The following SIL1 variants were observed in gnomAD, a reference collection of about 807,000 sequenced individuals.
SIL1 encodes the protein SIL1 nucleotide exchange factor.
A neutral mutation model predicts 49.1 loss-of-function variants in SIL1; 40 were observed. The observed-to-expected ratio is 0.81, with a 90% CI of 0.63 to 1.06. SIL1 has a LOEUF of 1.06. Among genes scored for constraint, SIL1 ranks in the 50% least tolerant of loss-of-function variants. SIL1 has a pLI of 0.00. For synonymous variants in SIL1, 253 were observed against 250.8 expected (o/e 1.01, Z -0.08); for missense variants, 500 against 572.6 (o/e 0.87, Z 1.29).
chr5:139,167,561 C>T (rs920754829), intron 1 of SIL1, among the ~76,000 whole-genome samples: 3 of 152,160 alleles, frequency 2.0e-5, no homozygotes, highest in African/African-American at 7.2e-5. Flanking sequence ...TGCCGTTGTA[C>T]AATATGCATT....
At chr5:139,072,948 TA>T (rs531387695) in intron 3 of SIL1, among the ~76,000 whole-genome samples, 107 of 151,716 alleles carry the variant, frequency 7.1e-4, no homozygotes, top group Non-Finnish European at 1.1e-3. Context: ...AACAGGTATA[TA>T]AAAAAAAGAT....
intron 7 of SIL1, among the ~76,000 whole-genome samples, chr5:138,978,059 A>C: frequency 6.6e-6 from 1 of 152,260 alleles, no homozygotes; most frequent in Non-Finnish European, 1.5e-5. Flanking sequence ...TGACTTAAAA[A>C]TGCTTTATTG....
intron 7 of SIL1, among the ~76,000 whole-genome samples, chr5:139,010,968 CCT>C (rs1164398409): frequency 6.7e-6 from 1 of 148,360 alleles, no homozygotes; most frequent in Non-Finnish European, 1.5e-5. Context: ...AGGCAGGCCT[CCT>C]TGAGCTGTGG....
chr5:139,166,258 TA>T (rs1188807770), intron 1 of SIL1, among the ~76,000 whole-genome samples: 2 of 152,246 alleles, frequency 1.3e-5, no homozygotes, highest in African/African-American at 4.8e-5. Context: ...ACAGACCACT[TA>T]TACGACAGTG....
At chr5:139,027,013 G>A (rs2150433525) in intron 5 of SIL1, 21 bp from the exon 6 acceptor site, 1 of 1,613,834 alleles carries the variant, frequency 6.2e-7, no homozygotes, top group Non-Finnish European at 8.5e-7. Flanking sequence ...CAGCAAAGAG[G>A]TGATTAAATT....
intron 1 of SIL1, among the ~76,000 whole-genome samples, chr5:139,142,084 G>C (rs1751090700): frequency 6.6e-6 from 1 of 152,204 alleles, no homozygotes; most frequent in Non-Finnish European, 1.5e-5. Flanking sequence ...TGGCTGCCCA[G>C]ACAGGCGGCC....
intron 3 of SIL1, among the ~76,000 whole-genome samples, chr5:139,076,645 A>G (rs1474436103): frequency 6.6e-6 from 1 of 152,214 alleles, no homozygotes; most frequent in East Asian, 1.9e-4. Flanking sequence ...AGGGCCTGTA[A>G]CAAGTGAGTA....
At position 138,988,496 on chromosome 5, in the gene SIL1, A is replaced by T. The variant is rs541881422; in HGVS notation, c.767+32675T>A. Among the ~76,000 whole-genome samples, 3 of 152,336 alleles carry T rather than the reference A, an allele frequency of 2.0e-5. No individual in the cohort carries two copies. The East Asian group carries it at 5.8e-4, about 29-fold the overall frequency. On this transcript the variant is annotated intron_variant, in intron 7 of 9. Coordinates refer to ENST00000394817, the MANE Select transcript of SIL1 (RefSeq NM_022464.5). ...AATACCTCCTTCGTTTAAACAATAA[A>T]TTTTGCCTACTAATAAGTCTAATTA... is the stretch of plus-strand genomic sequence containing the variant.
At chr5:138,953,928 A>G (rs1766844522) in intron 7 of SIL1, among the ~76,000 whole-genome samples, 2 of 152,238 alleles carry the variant, frequency 1.3e-5, no homozygotes. Context: ...GGGCCCTCAG[A>G]GCAGCAGAGA....
At chr5:139,060,604 T>C (rs1769564084) in intron 3 of SIL1, among the ~76,000 whole-genome samples, 1 of 152,058 alleles carries the variant, frequency 6.6e-6, no homozygotes. Context: ...CAATCTTCCC[T>C]AGGACATTTG....
intron 3 of SIL1, among the ~76,000 whole-genome samples, chr5:139,054,204 C>A (rs1465158392): frequency 6.6e-6 from 1 of 152,042 alleles, no homozygotes. Flanking sequence ...TCACTTGAGG[C>A]CATGGGTTGG....
intron 7 of SIL1, among the ~76,000 whole-genome samples, chr5:138,984,732 C>T (rs1480266605): frequency 2.0e-5 from 3 of 152,266 alleles, no homozygotes; most frequent in East Asian, 3.9e-4. Flanking sequence ...CCAACCCCTA[C>T]CATCCCCTTA....
chr5:139,032,185 C>G (rs1348202259), intron 5 of SIL1, among the ~76,000 whole-genome samples: 1 of 152,196 alleles, frequency 6.6e-6, no homozygotes, highest in Non-Finnish European at 1.5e-5. Context: ...CAGTCTTTCA[C>G]TGTTAAGTAT....
At chr5:139,086,915 G>A (rs889993311) in intron 3 of SIL1, among the ~76,000 whole-genome samples, 7 of 151,832 alleles carry the variant, frequency 4.6e-5, no homozygotes, top group East Asian at 3.9e-4. Context: ...AGTTGGGATC[G>A]CGCCATTGAG....
At chr5:138,999,887 G>C (rs1767951887) in intron 7 of SIL1, among the ~76,000 whole-genome samples, 1 of 152,152 alleles carries the variant, frequency 6.6e-6, no homozygotes, top group Non-Finnish European at 1.5e-5. Flanking sequence ...GACAGAGTAA[G>C]TCTCAGAAAA....
At chr5:139,003,506 T>C (rs953406673) in intron 7 of SIL1, among the ~76,000 whole-genome samples, 9 of 152,222 alleles carry the variant, frequency 5.9e-5, no homozygotes, top group Non-Finnish European at 1.3e-4. Context: ...TGTTTCTTTA[T>C]TTACTCTTTG....
rs1210429233 is a variant in SIL1, at chr5:138,948,940, C to G, written c.1030-1467G>C. The stretch of plus-strand genomic sequence containing the variant: ...TTGTCATGCAACACAAAGGCTCCCG[C>G]CAGATGCACCCACCCAATCGTGGAT... On this transcript the variant is annotated intron_variant, in intron 9 of 9. Coordinates refer to ENST00000394817, the MANE Select transcript of SIL1 (RefSeq NM_022464.5). This position sits in a 1 kb window ranked among gnomAD's most constrained non-coding sequence, Gnocchi z 4.8. Among the ~76,000 whole-genome samples the G allele has an allele frequency of 6.6e-6, 1 of 152,220 alleles. No individual in the cohort carries two copies. The highest frequency in any genetic ancestry group is 1.5e-5 in the Non-Finnish European group (1 of 68,038).
rs150892227 is a variant in SIL1, at chr5:139,050,981, G to C, written c.310C>G (p.Leu104Val). 7.5e-5 allele frequency: 121 copies of C among 1,614,174 alleles called. 1 individual carries two copies. The Middle Eastern group carries it at 3.8e-3, about 51-fold the overall frequency. ...NLQTGEREAKLQYEDKFRNNL... is the reference protein window; with the variant it reads ...NLQTGEREAKVQYEDKFRNNL... ...TTTCGGAACTTGTCCTCATATTGGAGTTTTGCCTCTCTTTCCCCAGTCTGA... is the reference window on the plus strand; with the variant it reads ...TTTCGGAACTTGTCCTCATATTGGACTTTTGCCTCTCTTTCCCCAGTCTGA... The change falls in exon 4 of 10, where the codon CTC (leucine) becomes GTC (valine). Residue 104 changes from leucine to valine, a missense_variant. Physicochemically the swap from Leu to Val is conservative, Grantham distance 32. Transcript: ENST00000394817.
chr5:138,983,369 G>C (rs146894433), intron 7 of SIL1, among the ~76,000 whole-genome samples: 1 of 151,762 alleles, frequency 6.6e-6, no homozygotes, highest in South Asian at 2.1e-4. Context: ...TTAGCCAGGC[G>C]TGGTGGCAGA....
Sources: allele counts gnomAD v4.1 joint callset (sites outside exome capture counted in the v4.1 genomes callset), GRCh38; gene constraint gnomAD v4.1.1; non-coding constraint Gnocchi (gnomAD v3.1); transcripts MANE v1.5; gene names NCBI Gene and HGNC (gene_info 2026-07-23, HGNC 2026-07-21).